CPSF1: variants seen among roughly 807,000 people sequenced by gnomAD.
CPSF1 encodes the protein cleavage and polyadenylation specific factor 1.
CPSF1 carries 106 observed loss-of-function variants against 175.8 expected under a neutral mutation model. That is an observed-to-expected ratio of 0.60 (90% CI 0.52 to 0.71). The LOEUF is 0.71. Among genes scored for constraint, CPSF1 ranks in the 30% least tolerant of loss-of-function variants. The pLI is 0.00. For missense variants in CPSF1, 1,734 were observed against 2,022.9 expected (o/e 0.86, Z 2.74); for synonymous variants, 1,024 against 858.3 (o/e 1.19, Z -3.37).
intron 7 of CPSF1, 80 bp from the exon 8 acceptor site, chr8:144,400,573 C>G (rs1821139710): frequency 4.0e-5 from 65 of 1,606,744 alleles, no homozygotes; most frequent in Non-Finnish European, 5.5e-5. Context: ...CAAGCCCCAC[C>G]ACACCCCATA....
Position 144,394,811 on chromosome 8 carries a change from T to G in CPSF1, c.3415-15A>C, listed in dbSNP as rs370081557. On this transcript the variant is annotated splice_polypyrimidine_tract_variant and intron_variant, in intron 30 of 37. Transcript: ENST00000616140. The stretch of plus-strand genomic sequence containing the variant: ...ATGATCAAGATCTGGAGGGCATGGG[T>G]ATGGCTGTGGGATGGCTGTGGGGAT... 5.8e-5 allele frequency: 94 copies of G among 1,613,150 alleles called. No individual in the cohort carries two copies. The highest frequency in any genetic ancestry group is 6.7e-5 in the Non-Finnish European group (79 of 1,179,870).
rs1554863095 is a variant in CPSF1, at chr8:144,394,941, C to T, written c.3355G>A (p.Gly1119Ser). Residue 1119 changes from glycine to serine, a missense_variant, in exon 30 of 38, where the codon GGC becomes AGC. Gly to Ser is a moderately conservative substitution (Grantham distance 56, BLOSUM62 0). This residue lies in a region of CPSF1 where 585 missense variants were observed against 584.7 expected (regional missense o/e 1.00). Coordinates refer to ENST00000616140, the MANE Select transcript of CPSF1 (RefSeq NM_013291.3). ...RSEETVSGLKGYVAAGTCLMQ... is the reference protein window; with the variant it reads ...RSEETVSGLKSYVAAGTCLMQ... ...AGGCAGGTCCCGGCGGCCACGTAGC[C>T]TTTGAGGCCCGACACGGTCTCCTCA... is the stretch of plus-strand genomic sequence containing the variant. The T allele has an allele frequency of 1.4e-5, 23 of 1,612,868 alleles. No individual in the cohort carries two copies. The highest frequency in any genetic ancestry group is 1.9e-5 in the Non-Finnish European group (22 of 1,179,952).
chr8:144,395,073 C>A, intron 29 of CPSF1, 25 bp downstream of exon 29: 1 of 1,603,066 alleles, frequency 6.2e-7, no homozygotes, highest in South Asian at 1.1e-5. Context: ...TTGGGCAGAC[C>A]CCACCCCCGC....
chr8:144,399,668 G>A lies in CPSF1; in HGVS notation c.1162C>T (p.Leu388=). The A allele has an allele frequency of 6.2e-7, 1 of 1,610,810 alleles. No individual in the cohort carries two copies. Among genetic ancestry groups the A allele is most frequent in the Non-Finnish European group, 8.5e-7 (1 of 1,178,670 alleles). Residue 388 remains leucine, a synonymous_variant, in exon 12 of 38, where the codon CTG becomes TTG. Coordinates refer to ENST00000616140, the MANE Select transcript of CPSF1 (RefSeq NM_013291.3). This position sits in a 1 kb window ranked among gnomAD's most constrained non-coding sequence, Gnocchi z 6.4. The stretch of plus-strand genomic sequence containing the variant: ...TACTTGAGGAGGAGGGAATTGCCCA[G>A]GCGAGAACCCAGGAACAGGTACCCG... ...EPGYLFLGSR[L]GNSLLLKYTE... is the part of the protein sequence containing the mutation.
Position 144,396,420 on chromosome 8 carries a change from G to A in CPSF1, c.2907C>T (p.Asp969=), listed in dbSNP as rs142346031. 2.5e-5 allele frequency: 40 copies of A among 1,592,726 alleles called. No homozygotes were observed. Among genetic ancestry groups the A allele is most frequent in the South Asian group, 1.8e-4 (16 of 88,970 alleles). ...GALRLHPMAI[D]GPVDSFAPFH... ...ATGGAGCGAAAGAGTCGACCGGGCCGTCGATGGCCATGGGGTGTAGCCGCA... is the reference window on the plus strand; with the variant it reads ...ATGGAGCGAAAGAGTCGACCGGGCCATCGATGGCCATGGGGTGTAGCCGCA... Residue 969 remains aspartate (D), a synonymous_variant, in exon 26 of 38, where the codon GAC becomes GAT. Transcript: ENST00000616140.
rs782617212 is a variant in CPSF1, at chr8:144,396,660, C to G, written c.2764G>C (p.Ala922Pro). Residue 922 changes from alanine (A) to proline (P), a missense_variant, in exon 25 of 38, where the codon GCT becomes CCT. Ala to Pro is a conservative substitution (Grantham distance 27, BLOSUM62 -1). Transcript: ENST00000616140. ...CGCGCCACGCGGCCCCGGGCCCCAG[C>G]CCCCTCCTCTGCGCCGCCACCTTCT... ...KAEGGGAEEG[A>P]GARGRVARFR... is the part of the protein sequence containing the mutation. The G allele has an allele frequency of 1.9e-6, 3 of 1,613,850 alleles. No individual in the cohort carries two copies. The highest frequency in any genetic ancestry group is 2.5e-6 in the Non-Finnish European group (3 of 1,180,016).
At chr8:144,396,091 G>A (rs981377255) in intron 26 of CPSF1, 8 of 544,098 alleles carry the variant, frequency 1.5e-5, no homozygotes, top group South Asian at 1.2e-4. Context: ...CAGGCCCTGC[G>A]AGGGCTTGCC....
In CPSF1 at chr8:144,393,519, C is replaced by T; in HGVS notation, c.4217G>A (p.Arg1406His). The T allele has an allele frequency of 1.3e-6, 2 of 1,592,578 alleles. No homozygotes were observed. The highest frequency in any genetic ancestry group is 2.3e-5 in the East Asian group (1 of 44,052). Residue 1406 changes from arginine to histidine, a missense_variant, in exon 37 of 38, where the codon CGC (arginine) becomes CAC (histidine). By Grantham distance (29) the Arg-to-His change is conservative (BLOSUM62 0). Around this residue, in one of 10 missense-constraint regions of CPSF1, gnomAD observed 323 missense variants for 338.5 expected, o/e 0.95. Transcript: ENST00000616140. Reference protein sequence around the residue: ...RNVLDGELLNRYLYLSTMERS... With the variant: ...RNVLDGELLNHYLYLSTMERS... ...CTCCATGGTGCTCAGGTACAGGTAG[C>T]GGTTGAGCAGCTCCCCATCCAGCAC...
Position 144,399,836 on chromosome 8 carries a change from C to A in CPSF1, c.1064G>T (p.Arg355Leu), listed in dbSNP as rs2116866805. Reference protein sequence around the residue: ...YVLTLITDGMRSVRAFHFDKA... With the variant: ...YVLTLITDGMLSVRAFHFDKA... ...GTCAAAGTGGAACGCTCGGACACTG[C>A]GCATGCCGTCGGTGATGAGGGTCAG... Residue 355 changes from arginine (R) to leucine (L), a missense_variant, in exon 11 of 38, where the codon CGC becomes CTC. Arg to Leu is a moderately radical substitution (Grantham distance 102). Transcript: ENST00000616140. The surrounding 1 kb of genome is among the most constrained non-coding windows in gnomAD (Gnocchi z 6.4). The A allele has an allele frequency of 1.9e-6, 3 of 1,554,698 alleles. No homozygotes were observed. Among genetic ancestry groups the A allele is most frequent in the Non-Finnish European group, 2.6e-6 (3 of 1,149,506 alleles).
At chr8:144,403,411 G>A (rs1394517935) in intron 2 of CPSF1, among the ~76,000 whole-genome samples, 1 of 151,200 alleles carries the variant, frequency 6.6e-6, no homozygotes, top group Non-Finnish European at 1.5e-5. Flanking sequence ...TTTGACATAG[G>A]GCCTCACTGT....
rs2116910001 is a variant in CPSF1 at position 144,408,015 on chromosome 8, A to G, written c.144+1000T>C. ...AAACTCCAGCCCTCGTCAAGCCTTC[A>G]GAGGACAGGAGCCCTGGCCAGCAAA... is the stretch of plus-strand genomic sequence containing the variant. On this transcript the variant is annotated intron_variant, in intron 2 of 37. Transcript: ENST00000616140. Among the ~76,000 whole-genome samples, 240 of 152,352 alleles carry G rather than the reference A, an allele frequency of 1.6e-3. 4 individuals carry two copies. In the Middle Eastern group the frequency reaches 0.017, roughly 11 times the overall value.
In CPSF1 at chr8:144,393,651, C is replaced by A. The variant is rs781901730; in HGVS notation, c.4145+16G>T. 6.4e-7 allele frequency: 1 copy of A among 1,566,534 alleles called. No homozygotes were observed. ...GGGTGGAGGGGGTGCTGCACGGGGG[C>A]GGGGCCGGGGCTCACCGGAAGGCGC... On this transcript the variant is annotated intron_variant, in intron 36 of 37. Coordinates refer to ENST00000616140, the MANE Select transcript of CPSF1 (RefSeq NM_013291.3).
At chr8:144,402,194 T>C (rs1356853247) in intron 2 of CPSF1, among the ~76,000 whole-genome samples, 1 of 152,240 alleles carries the variant, frequency 6.6e-6, no homozygotes, top group Non-Finnish European at 1.5e-5. Context: ...CCTCCCAGAA[T>C]GATAAGAGGC....
chr8:144,395,179 T>C lies in CPSF1; in HGVS notation c.3191A>G (p.Glu1064Gly). The C allele has an allele frequency of 6.2e-7, 1 of 1,612,678 alleles. No individual in the cohort carries two copies. The highest frequency in any genetic ancestry group is 8.5e-7 in the Non-Finnish European group (1 of 1,179,538). ...CTCCTGCTGGGGGTGGATGTACCGC[T>C]CATCTGTGGGGACCAAGGGTGACAG... ...EKEFETIERD[E>G]RYIHPQQEAF... is the part of the protein sequence containing the mutation. The change falls in exon 29 of 38, where the codon GAG becomes GGG. Residue 1064 changes from glutamate (E) to glycine (G), a missense_variant. Physicochemically the swap from Glu to Gly is moderately conservative, Grantham distance 98. This residue lies in a region of CPSF1 where 585 missense variants were observed against 584.7 expected (regional missense o/e 1.00). Coordinates refer to ENST00000616140, the MANE Select transcript of CPSF1 (RefSeq NM_013291.3).
At position 144,393,553 on chromosome 8, in the gene CPSF1, C is replaced by A; in HGVS notation, c.4183G>T (p.Val1395Leu). Residue 1395 changes from valine (V) to leucine (L), a missense_variant, in exon 37 of 38, where the codon GTG becomes TTG. Transcript: ENST00000616140. The part of the protein sequence containing the change: ...HVDRRTLQNA[V>L]RNVLDGELLN... ...AGCTCCCCATCCAGCACGTTGCGCA[C>A]GGCATTCTGGAGGGTGCGGCGGTCC... 1 of 1,604,572 alleles carries A rather than the reference C, an allele frequency of 6.2e-7. No homozygotes were observed. Among genetic ancestry groups the A allele is most frequent in the Non-Finnish European group, 8.5e-7 (1 of 1,177,350 alleles).
rs2116855339 is a variant in CPSF1 at position 144,398,815 on chromosome 8, G to A, written c.1602C>T (p.Asp534=). The A allele has an allele frequency of 3.7e-6, 6 of 1,608,532 alleles. No individual in the cohort carries two copies. Among genetic ancestry groups the A allele is most frequent in the Non-Finnish European group, 4.3e-6 (5 of 1,176,250 alleles). The change falls in exon 17 of 38, where the codon GAC becomes GAT. Residue 534 remains aspartate (D), a synonymous_variant. Coordinates refer to ENST00000616140, the MANE Select transcript of CPSF1 (RefSeq NM_013291.3). The stretch of plus-strand genomic sequence containing the variant: ...GCACCGGGGCGATGACTGTCCACAT[G>A]TCATAGCAGCCGGGAAGCTCAAAGG... ...VTTFELPGCY[D]MWTVIAPVRK... is the part of the protein sequence containing the mutation.
Position 144,399,627 on chromosome 8 carries a change from C to T in CPSF1, c.1203G>A (p.Gln401=), listed in dbSNP as rs2116864779. Residue 401 remains glutamine (Q), a synonymous_variant, in exon 12 of 38, where the codon CAG becomes CAA. Coordinates refer to ENST00000616140, the MANE Select transcript of CPSF1 (RefSeq NM_013291.3). This position sits in a 1 kb window ranked among gnomAD's most constrained non-coding sequence, Gnocchi z 6.4. Reference sequence around the variant, plus strand: ...CACGGACAGCACTGGCCGGGGGCTCCTGCAGCTTCTCCGTGTACTTGAGGA... The same window carrying T: ...CACGGACAGCACTGGCCGGGGGCTCTTGCAGCTTCTCCGTGTACTTGAGGA... ...SLLLKYTEKL[Q]EPPASAVREA... 24 of 1,610,656 alleles carry T rather than the reference C, an allele frequency of 1.5e-5. No homozygotes were observed. Among genetic ancestry groups the T allele is most frequent in the South Asian group, 2.2e-5 (2 of 90,594 alleles).
rs1554862690 is a variant in CPSF1 at position 144,394,315 on chromosome 8, G to C, written c.3745-15C>G. On this transcript the variant is annotated splice_polypyrimidine_tract_variant and intron_variant, in intron 32 of 37. Transcript: ENST00000616140. ...GGCTTGGCATCCTGGGGGCGGGAAG[G>C]GGGCGTCAGAGGTGCCTTGGGCGGG... The C allele has an allele frequency of 8.8e-6, 14 of 1,585,440 alleles. No homozygotes were observed. The highest frequency in any genetic ancestry group is 4.0e-5 in the African/African-American group (3 of 74,320).
chr8:144,409,093 G>C lies in CPSF1; in HGVS notation c.66C>G (p.Phe22Leu), dbSNP rs781995954. ...TGLEFSMYCNFFNNSERNLVV... is the reference protein window; with the variant it reads ...TGLEFSMYCNLFNNSERNLVV... ...CCAGGTTGCGCTCGCTGTTGTTGAA[G>C]AAGTTGCAGTACATGGAGAACTCCA... The change falls in exon 2 of 38, where the codon TTC becomes TTG. Residue 22 changes from phenylalanine to leucine, a missense_variant. Phe to Leu is a conservative substitution (Grantham distance 22, BLOSUM62 0). Coordinates refer to ENST00000616140, the MANE Select transcript of CPSF1 (RefSeq NM_013291.3). 6.2e-7 allele frequency: 1 copy of C among 1,613,892 alleles called. No homozygotes were observed. The highest frequency in any genetic ancestry group is 8.5e-7 in the Non-Finnish European group (1 of 1,179,922).
Sources: allele counts gnomAD v4.1 joint callset (sites outside exome capture counted in the v4.1 genomes callset), GRCh38; gene constraint gnomAD v4.1.1; regional missense constraint gnomAD v4.1.1; non-coding constraint Gnocchi (gnomAD v3.1); transcripts MANE v1.5; gene names NCBI Gene and HGNC (gene_info 2026-07-23, HGNC 2026-07-21).